The following DOK6 variants were observed in gnomAD, a reference collection of about 807,000 sequenced individuals.
The protein encoded by DOK6 is downstream of tyrosine kinase 6.
Under a neutral mutation model 44.0 loss-of-function variants are expected in DOK6, and 22 were observed. The ratio of observed to expected loss-of-function variants is 0.50; its 90% confidence interval spans 0.36 to 0.71. DOK6 has a LOEUF of 0.71. Among genes scored for constraint, DOK6 ranks in the 30% least tolerant of loss-of-function variants. The pLI, the probability that DOK6 is intolerant of heterozygous loss-of-function variation, is 0.00. For missense variants in DOK6, 340 were observed against 416.4 expected, an observed-to-expected ratio of 0.82 and a Z score of 1.60; for synonymous variants, 166 against 145.5, an observed-to-expected ratio of 1.14 and a Z score of -1.01.
At chr18:69,482,363 G>A (rs1212689311) in intron 1 of DOK6, among the ~76,000 whole-genome samples, 1 of 150,498 alleles carries the variant, frequency 6.6e-6, no homozygotes, top group Non-Finnish European at 1.5e-5. Flanking sequence ...CTTGGCACGA[G>A]TCTTCCAAAT....
Position 69,401,274 on chromosome 18 carries a change from G to A in DOK6, c.30G>A (p.Lys10=). 2 of 1,585,346 alleles carry A rather than the reference G, an allele frequency of 1.3e-6. No individual in the cohort carries two copies. Among genetic ancestry groups the A allele is most frequent in the Non-Finnish European group, 1.7e-6 (2 of 1,166,444 alleles). Reference sequence around the variant, plus strand: ...CCTCCAACTTTAACGACATAGTCAAGCAGGGCTACGTGAAAATCCGCAGCA... The same window carrying A: ...CCTCCAACTTTAACGACATAGTCAAACAGGGCTACGTGAAAATCCGCAGCA... MASNFNDIV[K]QGYVKIRSRK... Residue 10 remains lysine (K), a synonymous_variant, in exon 1 of 8, where the codon AAG becomes AAA. Coordinates refer to ENST00000382713, the MANE Select transcript of DOK6 (RefSeq NM_152721.6).
chr18:69,616,270 T>C (rs1984281917), intron 3 of DOK6, among the ~76,000 whole-genome samples: 3 of 152,196 alleles, frequency 2.0e-5, no homozygotes, highest in African/African-American at 4.8e-5. Context: ...CTACCACTCA[T>C]GACTGTCTGC....
intron 5 of DOK6, among the ~76,000 whole-genome samples, chr18:69,731,454 T>G (rs7239851): frequency 0.42 from 63,963 of 151,548 alleles, 13,889 homozygotes; most frequent in Middle Eastern, 0.54. Flanking sequence ...AACCTGAGAA[T>G]AAAAGTCAAT....
chr18:69,659,586 C>G lies in DOK6; in HGVS notation c.290-18148C>G, dbSNP rs550440394. Among the ~76,000 whole-genome samples, 29 of 152,016 alleles carry G rather than the reference C, an allele frequency of 1.9e-4. No individual in the cohort carries two copies. In the South Asian group the frequency reaches 5.6e-3, roughly 29 times the overall value. The stretch of plus-strand genomic sequence containing the variant: ...GCACTCGGGACATGAGCAAACAGGT[C>G]GTTAAATGCAGTAACTGGAGTGGAG... On this transcript the variant is annotated intron_variant, in intron 3 of 7. Coordinates refer to ENST00000382713, the MANE Select transcript of DOK6 (RefSeq NM_152721.6).
intron 1 of DOK6, among the ~76,000 whole-genome samples, chr18:69,486,600 A>C (rs1418505276): frequency 6.6e-6 from 1 of 152,200 alleles, no homozygotes; most frequent in Admixed American, 6.5e-5. Context: ...TTGTAATGCC[A>C]GTGGCTGAAC....
Position 69,535,732 on chromosome 18 carries a change from C to T in DOK6, c.67-28755C>T, listed in dbSNP as rs370141368. Among the ~76,000 whole-genome samples, 30 of 151,622 alleles carry T rather than the reference C, an allele frequency of 2.0e-4. 1 individual carries two copies. In the East Asian group the frequency reaches 3.1e-3, roughly 16 times the overall value. ...ATAATACCTTAAGTTTTCAGGTTTC[C>T]AAACAGAAAAGAAAATGATTTATAG... On this transcript the variant is annotated intron_variant, in intron 1 of 7. Coordinates refer to ENST00000382713, the MANE Select transcript of DOK6 (RefSeq NM_152721.6).
intron 5 of DOK6, among the ~76,000 whole-genome samples, chr18:69,706,634 C>T (rs914630959): frequency 3.3e-5 from 5 of 150,582 alleles, no homozygotes; most frequent in African/African-American, 9.8e-5. Flanking sequence ...ATTAACTCAT[C>T]ATTTAGCATT....
At chr18:69,718,215 G>A (rs911117043) in intron 5 of DOK6, among the ~76,000 whole-genome samples, 5 of 152,138 alleles carry the variant, frequency 3.3e-5, no homozygotes, top group African/African-American at 9.7e-5. Context: ...AATTTTGAAT[G>A]GGTAGAAGGG....
chr18:69,757,864 A>G lies in DOK6; in HGVS notation c.847A>G (p.Ser283Gly). The G allele has an allele frequency of 6.2e-7, 1 of 1,613,934 alleles. No homozygotes were observed. The change falls in exon 7 of 8, where the codon AGT becomes GGT. Residue 283 changes from serine to glycine, a missense_variant. This residue lies in a region of DOK6 where 112 missense variants were observed against 109.3 expected (regional missense o/e 1.02). Transcript: ENST00000382713. ...TRQNSVGEIY[S>G]LQGHGFGSSK... The stretch of plus-strand genomic sequence containing the variant: ...TCAGAACAGCGTTGGTGAAATCTAC[A>G]GTTTGCAAGGCAAGTCACTTTAATG...
At chr18:69,727,874 C>T (rs902321562) in intron 5 of DOK6, among the ~76,000 whole-genome samples, 1 of 152,164 alleles carries the variant, frequency 6.6e-6, no homozygotes, top group African/African-American at 2.4e-5. Context: ...AAATGACTCA[C>T]CTTGGTGTGA....
intron 1 of DOK6, among the ~76,000 whole-genome samples, chr18:69,512,405 G>A (rs11659254): frequency 0.2 from 28,276 of 140,518 alleles, 2,949 homozygotes; most frequent in African/African-American, 0.24. Context: ...ATGCAATGGC[G>A]CAATCTTGGC....
At chr18:69,557,532 G>A (rs537742865) in intron 1 of DOK6, among the ~76,000 whole-genome samples, 1 of 152,260 alleles carries the variant, frequency 6.6e-6, no homozygotes, top group African/African-American at 2.4e-5. Context: ...TTCATCAGAT[G>A]GAAGGGGATT....
At chr18:69,669,356 T>C (rs1287245621) in intron 3 of DOK6, among the ~76,000 whole-genome samples, 1 of 152,208 alleles carries the variant, frequency 6.6e-6, no homozygotes, top group East Asian at 1.9e-4. Flanking sequence ...ATGCAATATT[T>C]GGTTCTCTGT....
chr18:69,684,076 A>G (rs533530906), intron 4 of DOK6, among the ~76,000 whole-genome samples: 6 of 152,226 alleles, frequency 3.9e-5, no homozygotes, highest in Non-Finnish European at 8.8e-5. Context: ...CTAATGGATG[A>G]AACACAAAGT....
chr18:69,432,398 C>T (rs932486685), intron 1 of DOK6, among the ~76,000 whole-genome samples: 1 of 152,172 alleles, frequency 6.6e-6, no homozygotes, highest in African/African-American at 2.4e-5. Flanking sequence ...GAGCCGAGAT[C>T]ATGCCGTTGC....
chr18:69,411,008 C>T (rs1183745492), intron 1 of DOK6, among the ~76,000 whole-genome samples: 1 of 151,984 alleles, frequency 6.6e-6, no homozygotes, highest in Admixed American at 6.6e-5. Flanking sequence ...TCTTTGTTTC[C>T]TACTTAAAGA....
At chr18:69,820,145 A>G (rs1218753064) in intron 7 of DOK6, among the ~76,000 whole-genome samples, 5 of 152,166 alleles carry the variant, frequency 3.3e-5, no homozygotes, top group Non-Finnish European at 5.9e-5. Context: ...TTATTCATTC[A>G]TCAGTCAACA....
chr18:69,694,020 C>A (rs1192014658), intron 4 of DOK6, among the ~76,000 whole-genome samples: 4 of 139,296 alleles, frequency 2.9e-5, no homozygotes, highest in South Asian at 2.3e-4. Flanking sequence ...GATCCCGCCA[C>A]CGCACTCCAG....
chr18:69,662,074 G>C (rs975158294), intron 3 of DOK6: 1 of 152,160 alleles, frequency 6.6e-6, no homozygotes, highest in African/African-American at 2.4e-5. Context: ...CCCCCTGCCA[G>C]GTTCAAGTGA....
Sources: gnomAD v4.1 joint callset for allele counts (sites outside exome capture counted in the v4.1 genomes callset) on GRCh38, gnomAD v4.1.1 for gene constraint, gnomAD v4.1.1 regional missense constraint, MANE v1.5 for transcripts, NCBI Gene and HGNC (gene_info 2026-07-23, HGNC 2026-07-21) for gene names.